CAMKMT: variants seen among roughly 807,000 people sequenced by gnomAD.
The protein encoded by CAMKMT is calmodulin-lysine N-methyltransferase.
Under a neutral mutation model 48.0 loss-of-function variants are expected in CAMKMT, and 53 were observed. The observed-to-expected ratio is 1.10, with a 90% CI of 0.89 to 1.39. CAMKMT has a LOEUF of 1.39. CAMKMT is among the 40% of genes most tolerant of loss of function. The pLI, the probability that CAMKMT is intolerant of heterozygous loss-of-function variation, is 0.00. For synonymous variants in CAMKMT, 165 were observed against 152.3 expected (o/e 1.08, Z -0.61); for missense variants, 428 against 402.7 (o/e 1.06, Z -0.54).
chr2:44,693,811 G>A (rs763879037), intron 3 of CAMKMT, among the ~76,000 whole-genome samples: 58 of 152,152 alleles, frequency 3.8e-4, no homozygotes, highest in African/African-American at 1.0e-3. Context: ...ACATCTACCC[G>A]TGCATTTATT....
intron 3 of CAMKMT, among the ~76,000 whole-genome samples, chr2:44,411,662 G>A (rs1468182045): frequency 6.6e-6 from 1 of 151,828 alleles, no homozygotes; most frequent in Non-Finnish European, 1.5e-5. Context: ...ATACTGCCTT[G>A]GACAATGTAA....
rs547659860 is a variant in CAMKMT, at chr2:44,570,741, G to A, written c.377-133542G>A. ...ACTTTTTAAAAGATGAAAAGCAAAC[G>A]AATAAAAAACAGGTTATAGGCTATT... On this transcript the variant is annotated intron_variant, in intron 3 of 10. Coordinates refer to ENST00000378494, the MANE Select transcript of CAMKMT (RefSeq NM_024766.5). Among the ~76,000 whole-genome samples, 106 of 152,148 alleles carry A rather than the reference G, an allele frequency of 7.0e-4. 1 individual carries two copies. Among genetic ancestry groups the A allele is most frequent in the African/African-American group, 2.6e-3 (106 of 41,560 alleles).
chr2:44,369,103 C>T (rs182765715), intron 1 of CAMKMT, among the ~76,000 whole-genome samples: 1 of 152,160 alleles, frequency 6.6e-6, no homozygotes, highest in Non-Finnish European at 1.5e-5. Context: ...AGGCTGGTAT[C>T]GAACTCCTGG....
At chr2:44,764,002 C>T (rs985138239) in intron 9 of CAMKMT, among the ~76,000 whole-genome samples, 1 of 151,962 alleles carries the variant, frequency 6.6e-6, no homozygotes, top group Non-Finnish European at 1.5e-5. Flanking sequence ...TTAGAAATGA[C>T]TAAAATGACC....
chr2:44,415,337 G>A (rs533960637), intron 3 of CAMKMT, among the ~76,000 whole-genome samples: 7 of 152,280 alleles, frequency 4.6e-5, no homozygotes, highest in African/African-American at 1.7e-4. Context: ...TATAGGTCCA[G>A]GTTTAGTTCA....
chr2:44,686,450 G>C (rs1420332246), intron 3 of CAMKMT, among the ~76,000 whole-genome samples: 3 of 151,420 alleles, frequency 2.0e-5, no homozygotes, highest in Non-Finnish European at 4.4e-5. Flanking sequence ...CCCTCGTTTA[G>C]TTCATAGTAA....
intron 3 of CAMKMT, among the ~76,000 whole-genome samples, chr2:44,558,523 A>G (rs1254893607): frequency 6.6e-6 from 1 of 152,192 alleles, no homozygotes; most frequent in African/African-American, 2.4e-5. Context: ...GAGTTCAGAG[A>G]GACAAATTAA....
intron 3 of CAMKMT, among the ~76,000 whole-genome samples, chr2:44,409,118 T>C (rs1338334149): frequency 2.3e-4 from 1 of 4,338 alleles, no homozygotes; most frequent in Non-Finnish European, 5.5e-4. Flanking sequence ...TATATATATA[T>C]ATATATATAT....
intron 3 of CAMKMT, among the ~76,000 whole-genome samples, chr2:44,638,423 A>T (rs1348014767): frequency 6.6e-6 from 1 of 152,206 alleles, no homozygotes; most frequent in East Asian, 1.9e-4. Flanking sequence ...AAGGAAAGAA[A>T]CTGAAGTTAC....
chr2:44,423,327 GCACCACCACT>G (rs1684056798), intron 3 of CAMKMT, among the ~76,000 whole-genome samples: 1 of 152,006 alleles, frequency 6.6e-6, no homozygotes, highest in Non-Finnish European at 1.5e-5. Flanking sequence ...TTACAGTCAT[GCACCACCACT>G]CCTGTCTAAT....
chr2:44,641,931 A>T, intron 3 of CAMKMT, among the ~76,000 whole-genome samples: 1 of 152,146 alleles, frequency 6.6e-6, no homozygotes, highest in East Asian at 1.9e-4. Flanking sequence ...CGCCAATATT[A>T]ACTATCACAT....
At position 44,743,389 on chromosome 2, in the gene CAMKMT, A is replaced by T. The variant is rs181596338; in HGVS notation, c.624-233A>T. ...CTAGTTTGTCTACAAAAACCTATAA[A>T]AACTAGCAAAAAGGTTAACTATTTT... On this transcript the variant is annotated intron_variant, in intron 7 of 10. Coordinates refer to ENST00000378494, the MANE Select transcript of CAMKMT (RefSeq NM_024766.5). 5.0e-3 allele frequency among the ~76,000 whole-genome samples: 755 copies of T among 152,310 alleles called. 11 individuals are homozygous for T. The highest frequency in any genetic ancestry group is 0.017 in the African/African-American group (720 of 41,576).
At position 44,599,270 on chromosome 2, in the gene CAMKMT, C is replaced by G. The variant is rs909544567; in HGVS notation, c.377-105013C>G. Among the ~76,000 whole-genome samples the G allele has an allele frequency of 9.9e-4, 150 of 152,138 alleles. 2 individuals are homozygous for G. The highest frequency in any genetic ancestry group is 3.4e-3 in the African/African-American group (141 of 41,490). The stretch of plus-strand genomic sequence containing the variant: ...TAGTTTATTTATAAATAGAAAGTGA[C>G]ACTTCATAATACCTGGCAGCTTTCA... On this transcript the variant is annotated intron_variant, in intron 3 of 10. Transcript: ENST00000378494.
chr2:44,699,744 C>T (rs375345136), intron 3 of CAMKMT, among the ~76,000 whole-genome samples: 44 of 152,180 alleles, frequency 2.9e-4, no homozygotes, highest in African/African-American at 9.6e-4. Context: ...CTGAGTAGCC[C>T]GATAGGCACC....
chr2:44,728,696 A>T (rs1206311201), intron 7 of CAMKMT, among the ~76,000 whole-genome samples: 1 of 152,060 alleles, frequency 6.6e-6, no homozygotes, highest in Non-Finnish European at 1.5e-5. Context: ...TCTAATTTGT[A>T]TGCATAGAGT....
At chr2:44,697,019 A>G (rs1676994096) in intron 3 of CAMKMT, among the ~76,000 whole-genome samples, 1 of 152,126 alleles carries the variant, frequency 6.6e-6, no homozygotes, top group African/African-American at 2.4e-5. Flanking sequence ...GCAAGAAAGA[A>G]AAGATTTTTT....
chr2:44,686,190 G>A (rs1179694572), intron 3 of CAMKMT, among the ~76,000 whole-genome samples: 2 of 151,848 alleles, frequency 1.3e-5, no homozygotes, highest in African/African-American at 2.4e-5. Flanking sequence ...TCAGGAGATC[G>A]AGACCATCCT....
chr2:44,551,079 A>T (rs1183699133), intron 3 of CAMKMT, among the ~76,000 whole-genome samples: 1 of 152,148 alleles, frequency 6.6e-6, no homozygotes, highest in Admixed American at 6.5e-5. Context: ...ACATAATTCC[A>T]GGTGGTGTTC....
chr2:44,390,845 A>G (rs1681272193), intron 3 of CAMKMT, among the ~76,000 whole-genome samples: 1 of 152,174 alleles, frequency 6.6e-6, no homozygotes, highest in South Asian at 2.1e-4. Flanking sequence ...GCTTCTGATT[A>G]ATTGGTGATA....
Sources: allele counts gnomAD v4.1 joint callset (sites outside exome capture counted in the v4.1 genomes callset), GRCh38; gene constraint gnomAD v4.1.1; transcripts MANE v1.5; gene names NCBI Gene and HGNC (gene_info 2026-07-23, HGNC 2026-07-21).